The following SPIRE1 variants were observed in gnomAD, a reference collection of about 807,000 sequenced individuals.
SPIRE1 encodes protein spire homolog 1.
A neutral mutation model predicts 94.1 loss-of-function variants in SPIRE1; 40 were observed. That is an observed-to-expected ratio of 0.43 (90% CI 0.33 to 0.55). SPIRE1 has a LOEUF of 0.55. Ranked by LOEUF, SPIRE1 falls within the 20% of genes least tolerant of loss-of-function variation. SPIRE1 has a pLI of 0.06. For synonymous variants in SPIRE1, 376 were observed against 371.7 expected, an observed-to-expected ratio of 1.01 and a Z score of -0.13; for missense variants, 838 against 975.2, an observed-to-expected ratio of 0.86 and a Z score of 1.87.
chr18:12,593,720 C>T (rs1007350444), intron 2 of SPIRE1, among the ~76,000 whole-genome samples: 13 of 152,076 alleles, frequency 8.5e-5, no homozygotes, highest in Non-Finnish European at 1.5e-4. Context: ...GAGGCCGAGG[C>T]GGGCGGATCA....
chr18:12,456,033 T>A (rs1390235481), intron 12 of SPIRE1, among the ~76,000 whole-genome samples: 2 of 152,214 alleles, frequency 1.3e-5, no homozygotes, highest in Admixed American at 1.3e-4. Flanking sequence ...TTAAGGAAGA[T>A]TACATTTGCT....
At chr18:12,590,184 T>C (rs1429238484) in intron 2 of SPIRE1, among the ~76,000 whole-genome samples, 1 of 151,886 alleles carries the variant, frequency 6.6e-6, no homozygotes, top group Non-Finnish European at 1.5e-5. Flanking sequence ...GCCTCCCAAG[T>C]TCAAGTGATT....
Position 12,463,351 on chromosome 18 carries a change from A to G in SPIRE1, c.1638T>C (p.Leu546=). ...ACTACAAAGTCTTTCCTGTACTTAC[A>G]AGAGAGCGGGAACTCTGCCTGGAAG... ...LPPSRQSSRS[L]EEFCYPVECL... is the part of the protein sequence containing the mutation. The change falls in exon 12 of 17, where the codon CTT becomes CTC. Residue 546 remains leucine (L), a splice_region_variant and synonymous_variant. Coordinates refer to ENST00000409402, the MANE Select transcript of SPIRE1 (RefSeq NM_001128626.2). The G allele has an allele frequency of 6.2e-7, 1 of 1,612,256 alleles. No homozygotes were observed.
chr18:12,471,669 TAGCA>T (rs1471828567), intron 10 of SPIRE1, among the ~76,000 whole-genome samples: 3 of 152,232 alleles, frequency 2.0e-5, no homozygotes, highest in Non-Finnish European at 4.4e-5. Context: ...GTGAGAATAC[TAGCA>T]AGTTCATGAG....
At chr18:12,549,953 T>C (rs2035302077) in intron 2 of SPIRE1, among the ~76,000 whole-genome samples, 1 of 152,206 alleles carries the variant, frequency 6.6e-6, no homozygotes. Context: ...AGCTGATCCA[T>C]TCTTCTTCAA....
rs1260205216 is a variant in SPIRE1, at chr18:12,589,031, G to T, written c.373-42127C>A. ...ATACAGATACATACAGAGATAGAAAGAATTTTTAAAGGCAGCTTAAAGGTA... is the reference window on the plus strand; with the variant it reads ...ATACAGATACATACAGAGATAGAAATAATTTTTAAAGGCAGCTTAAAGGTA... On this transcript the variant is annotated intron_variant, in intron 2 of 16. Transcript: ENST00000409402. Among the ~76,000 whole-genome samples the T allele has an allele frequency of 3.3e-5, 5 of 152,240 alleles. No individual in the cohort carries two copies. In the East Asian group the frequency reaches 9.6e-4, roughly 29 times the overall value.
intron 2 of SPIRE1, among the ~76,000 whole-genome samples, chr18:12,612,507 T>C (rs2037171225): frequency 6.6e-6 from 1 of 152,210 alleles, no homozygotes; most frequent in South Asian, 2.1e-4. Context: ...ACATGGCCCT[T>C]AAGGCCCTAT....
chr18:12,655,078 C>T (rs1291046331), intron 1 of SPIRE1, among the ~76,000 whole-genome samples: 1 of 151,126 alleles, frequency 6.6e-6, no homozygotes, highest in African/African-American at 2.4e-5. Context: ...AGAGACTGGG[C>T]AAGGTGGGTT....
intron 1 of SPIRE1, among the ~76,000 whole-genome samples, chr18:12,649,266 A>G (rs1453870191): frequency 6.6e-6 from 1 of 152,064 alleles, no homozygotes; most frequent in Non-Finnish European, 1.5e-5. Context: ...AAAATTAGCC[A>G]GAAGTGGCAG....
chr18:12,615,345 A>AATATATATATATATATAT (rs71174107), intron 2 of SPIRE1, among the ~76,000 whole-genome samples: 1 of 17,240 alleles, frequency 5.8e-5, no homozygotes, highest in Non-Finnish European at 1.9e-4. Context: ...AAAAAAAAAA[A>AATATATATATATATATAT]ATATATATAT....
chr18:12,594,548 CAT>C, intron 2 of SPIRE1, among the ~76,000 whole-genome samples: 1 of 152,258 alleles, frequency 6.6e-6, no homozygotes, highest in Middle Eastern at 3.4e-3. Context: ...GAAAATCACA[CAT>C]ATGTCCATAA....
rs912740448 is a variant in SPIRE1, at chr18:12,602,345, A to G, written c.372+32717T>C. Among the ~76,000 whole-genome samples, 5 of 152,160 alleles carry G rather than the reference A, an allele frequency of 3.3e-5. 1 individual carries two copies. Among genetic ancestry groups the G allele is most frequent in the African/African-American group, 7.2e-5 (3 of 41,418 alleles). On this transcript the variant is annotated intron_variant, in intron 2 of 16. Coordinates refer to ENST00000409402, the MANE Select transcript of SPIRE1 (RefSeq NM_001128626.2). ...TTCACTTGAGCCTTTTGGCACAAGA[A>G]ATCTTTTCCAAGCAATGATCCCAAA...
At chr18:12,616,719 A>G (rs904074451) in intron 2 of SPIRE1, among the ~76,000 whole-genome samples, 1 of 152,222 alleles carries the variant, frequency 6.6e-6, no homozygotes, top group African/African-American at 2.4e-5. Context: ...CAGGAAGAAG[A>G]GAGAAAAGCC....
intron 3 of SPIRE1, among the ~76,000 whole-genome samples, chr18:12,539,312 T>C (rs2034936983): frequency 6.6e-6 from 1 of 152,102 alleles, no homozygotes; most frequent in South Asian, 2.1e-4. Context: ...GATGGTTTTA[T>C]AAGGAGGAGT....
intron 3 of SPIRE1, among the ~76,000 whole-genome samples, chr18:12,544,493 C>T (rs894582119): frequency 6.6e-6 from 1 of 151,460 alleles, no homozygotes; most frequent in Non-Finnish European, 1.5e-5. Context: ...CATCAGCTAT[C>T]GCGCCCAGTC....
intron 4 of SPIRE1, among the ~76,000 whole-genome samples, chr18:12,528,620 A>G (rs1183526017): frequency 6.6e-6 from 1 of 152,186 alleles, no homozygotes; most frequent in Non-Finnish European, 1.5e-5. Flanking sequence ...GATTGTGAAC[A>G]GCTGCCCTGT....
intron 8 of SPIRE1, among the ~76,000 whole-genome samples, chr18:12,491,631 A>T (rs2033237741): frequency 6.6e-6 from 1 of 152,156 alleles, no homozygotes; most frequent in Admixed American, 6.5e-5. Context: ...ACCAGAAAGT[A>T]CATTTAATTA....
chr18:12,653,504 T>C (rs1438334602), intron 1 of SPIRE1: 1 of 152,242 alleles, frequency 6.6e-6, no homozygotes, highest in African/African-American at 2.4e-5. Context: ...ATTGGGGAAC[T>C]TACTCACTGT....
chr18:12,500,413 T>G (rs2033613940), intron 6 of SPIRE1, among the ~76,000 whole-genome samples: 1 of 152,064 alleles, frequency 6.6e-6, no homozygotes, highest in Admixed American at 6.5e-5. Context: ...CAATGAGACA[T>G]CATATCACAC....
Sources: allele counts gnomAD v4.1 joint callset (sites outside exome capture counted in the v4.1 genomes callset), GRCh38; gene constraint gnomAD v4.1.1; transcripts MANE v1.5; gene names NCBI Gene and HGNC (gene_info 2026-07-23, HGNC 2026-07-21).